Variants in TMEM184B observed in about 807,000 individuals in gnomAD.
TMEM184B encodes the protein transmembrane protein 184B.
A neutral mutation model predicts 41.8 loss-of-function variants in TMEM184B; 17 were observed. The ratio of observed to expected loss-of-function variants is 0.41; its 90% CI spans 0.28 to 0.61. The LOEUF is 0.61. Among genes scored for constraint, TMEM184B ranks in the 20% least tolerant of loss-of-function variants. The pLI is 0.34. For synonymous variants in TMEM184B, 240 were observed against 229.5 expected, an observed-to-expected ratio of 1.05 and a Z score of -0.41; for missense variants, 393 against 557.8, an observed-to-expected ratio of 0.70 and a Z score of 2.98.
chr22:38,272,551 CAA>C, intron 1 of TMEM184B: 1 of 985,842 alleles, frequency 1.0e-6, no homozygotes, highest in South Asian at 4.7e-5. Flanking sequence ...ATCCCTCTTG[CAA>C]AGCGCCTTGG....
intron 8 of TMEM184B, 33 bp from the exon 9 acceptor site, chr22:38,221,743 G>A: frequency 6.2e-7 from 1 of 1,609,084 alleles, no homozygotes; most frequent in Non-Finnish European, 8.5e-7. Flanking sequence ...GGCAGGTGAG[G>A]AGGCTGGGAC....
chr22:38,244,356 G>A (rs2091978347), intron 3 of TMEM184B, among the ~76,000 whole-genome samples: 1 of 152,142 alleles, frequency 6.6e-6, no homozygotes, highest in Non-Finnish European at 1.5e-5. Context: ...CCTGAGATTA[G>A]GAAAACCACA....
In TMEM184B at chr22:38,224,933, G is replaced by T; in HGVS notation, c.834C>A (p.Ile278=). ...ILEKCGAIPK[I]HSARVSVGEG... is the part of the protein sequence containing the mutation. ...CGCCCACCGACACGCGGGCCGAGTG[G>T]ATTTTGGGGATGGCCCCACACTTCT... The change falls in exon 8 of 9, where the codon ATC becomes ATA. Residue 278 remains isoleucine (I), a synonymous_variant. Coordinates refer to ENST00000361906, the MANE Select transcript of TMEM184B (RefSeq NM_012264.5). 1 of 1,604,136 alleles carries T rather than the reference G, an allele frequency of 6.2e-7. No homozygotes were observed. The highest frequency in any genetic ancestry group is 1.1e-5 in the South Asian group (1 of 89,850).
At chr22:38,242,238 C>T (rs1421962703) in intron 3 of TMEM184B, among the ~76,000 whole-genome samples, 4 of 151,028 alleles carry the variant, frequency 2.6e-5, no homozygotes, top group East Asian at 1.9e-4. Flanking sequence ...GAGGCCAAGG[C>T]GGGCGGATTG....
chr22:38,259,433 G>A (rs570133959), intron 1 of TMEM184B, among the ~76,000 whole-genome samples: 1 of 152,318 alleles, frequency 6.6e-6, no homozygotes, highest in East Asian at 1.9e-4. Flanking sequence ...ACCTGGGTGG[G>A]CCCATGTCAT....
At chr22:38,231,446 G>A (rs2091618111) in intron 3 of TMEM184B, 112 bp from the exon 4 acceptor site, 1 of 889,738 alleles carries the variant, frequency 1.1e-6, no homozygotes, top group Non-Finnish European at 1.9e-6. Context: ...TGTGGCAACA[G>A]GGAGGAGGCT....
rs1355091611 is a variant in TMEM184B, at chr22:38,239,007, T to C, written c.358+6928A>G. Among the ~76,000 whole-genome samples, 1 of 152,176 alleles carries C rather than the reference T, an allele frequency of 6.6e-6. No homozygotes were observed. Among genetic ancestry groups the C allele is most frequent in the Non-Finnish European group, 1.5e-5 (1 of 68,034 alleles). ...GCAAACATTCCTAACAAACAGCAACTGCATAAAGCGACATACGGACACCGC... is the reference window on the plus strand; with the variant it reads ...GCAAACATTCCTAACAAACAGCAACCGCATAAAGCGACATACGGACACCGC... On this transcript the variant is annotated intron_variant, in intron 3 of 8. Coordinates refer to ENST00000361906, the MANE Select transcript of TMEM184B (RefSeq NM_012264.5). This position sits in a 1 kb window ranked among gnomAD's most constrained non-coding sequence, Gnocchi z 4.6.
chr22:38,237,573 C>T (rs1042062620), intron 3 of TMEM184B, among the ~76,000 whole-genome samples: 12 of 152,220 alleles, frequency 7.9e-5, no homozygotes, highest in Non-Finnish European at 1.5e-5. Flanking sequence ...TTTCAGATAA[C>T]GGGTGGATGA....
rs753235259 is a variant in TMEM184B, at chr22:38,247,775, G to A, written c.187C>T (p.His63Tyr). 1 of 1,611,620 alleles carries A rather than the reference G, an allele frequency of 6.2e-7. No homozygotes were observed. The highest frequency in any genetic ancestry group is 1.1e-5 in the South Asian group (1 of 90,910). The change falls in exon 2 of 9, where the codon CAC (histidine) becomes TAC (tyrosine). Residue 63 changes from histidine (H) to tyrosine (Y), a missense_variant. By Grantham distance (83) the His-to-Tyr change is moderately conservative. This residue lies in a region of TMEM184B where 122 missense variants were observed against 123.7 expected (regional missense o/e 0.99). Coordinates refer to ENST00000361906, the MANE Select transcript of TMEM184B (RefSeq NM_012264.5). ...CCCTTGCCAGGCTTGGGTACCTGGT[G>A]GCATGTGATGAGCAGGGCCGTCCAC... ...FVWTALLITC[H>Y]QIYMHLRCYS...
intron 1 of TMEM184B, among the ~76,000 whole-genome samples, chr22:38,252,385 G>C (rs761523856): frequency 7.9e-5 from 12 of 152,174 alleles, no homozygotes; most frequent in Non-Finnish European, 1.8e-4. Context: ...AATTGACCAA[G>C]TGTTAAACTT....
In TMEM184B at chr22:38,225,030, C is replaced by A; in HGVS notation, c.788-51G>T. 6.8e-7 allele frequency: 1 copy of A among 1,481,244 alleles called. No homozygotes were observed. The highest frequency in any genetic ancestry group is 9.0e-7 in the Non-Finnish European group (1 of 1,113,672). 91.8% of individuals were successfully genotyped at this position (1,481,244 alleles called of 1,614,324 possible). On this transcript the variant is annotated intron_variant, in intron 7 of 8. Coordinates refer to ENST00000361906, the MANE Select transcript of TMEM184B (RefSeq NM_012264.5). The surrounding 1 kb of genome is among the most constrained non-coding windows in gnomAD (Gnocchi z 4.4). ...GACCCAGAATGATTCCTTTCCTGCTCCCCCTTCTTCCACAATGCCCCATTC... is the reference window on the plus strand; with the variant it reads ...GACCCAGAATGATTCCTTTCCTGCTACCCCTTCTTCCACAATGCCCCATTC...
chr22:38,246,671 TA>T, intron 2 of TMEM184B: 1 of 591,088 alleles, frequency 1.7e-6, no homozygotes, highest in Non-Finnish European at 2.4e-6. Flanking sequence ...TCCCATCTGG[TA>T]AACAGAGGCA....
At chr22:38,272,076 T>TA (rs776956699) in intron 1 of TMEM184B, among the ~76,000 whole-genome samples, 1 of 152,106 alleles carries the variant, frequency 6.6e-6, no homozygotes, top group African/African-American at 2.4e-5. Flanking sequence ...GGCATGCAAA[T>TA]ACCTGCTTTG....
chr22:38,241,340 A>G (rs994489591), intron 3 of TMEM184B, among the ~76,000 whole-genome samples: 4 of 152,222 alleles, frequency 2.6e-5, no homozygotes, highest in African/African-American at 7.2e-5. Context: ...TAGAAAACTC[A>G]GCAAACTAAA....
chr22:38,225,934 G>A lies in TMEM184B; in HGVS notation c.618-341C>T, dbSNP rs764952302. On this transcript the variant is annotated intron_variant, in intron 6 of 8. Transcript: ENST00000361906. The surrounding 1 kb of genome is among the most constrained non-coding windows in gnomAD (Gnocchi z 4.4). The stretch of plus-strand genomic sequence containing the variant: ...GATAACAGGCGTCAAAATAGGTGAC[G>A]CTGCTCAGCTCTGCTGCCTTTTCAC... Among the ~76,000 whole-genome samples the A allele has an allele frequency of 2.0e-4, 31 of 152,326 alleles. No homozygotes were observed. The highest frequency in any genetic ancestry group is 1.8e-3 in the Admixed American group (27 of 15,292).
chr22:38,230,546 TG>T, intron 5 of TMEM184B, 122 bp downstream of exon 5: 1 of 926,736 alleles, frequency 1.1e-6, no homozygotes, highest in Non-Finnish European at 1.7e-6. Flanking sequence ...GGGTGGGTGC[TG>T]GGGGCCTGGG....
At chr22:38,262,242 A>G (rs1045318343) in intron 1 of TMEM184B, among the ~76,000 whole-genome samples, 3 of 152,232 alleles carry the variant, frequency 2.0e-5, no homozygotes, top group African/African-American at 7.2e-5. Flanking sequence ...AGTGGTGACT[A>G]CCGGCGAAGA....
intron 5 of TMEM184B, among the ~76,000 whole-genome samples, chr22:38,228,275 C>T (rs558755567): frequency 5.9e-5 from 9 of 152,322 alleles, no homozygotes; most frequent in Admixed American, 3.9e-4. Context: ...TGCATGAGTT[C>T]CAGTTATGAG....
In TMEM184B at chr22:38,220,003, G is replaced by A; in HGVS notation, c.*1466C>T. On this transcript the variant is annotated 3_prime_UTR_variant, in exon 9 of 9. Coordinates refer to ENST00000361906, the MANE Select transcript of TMEM184B (RefSeq NM_012264.5). ...TCATTCCAGGAAGGACCAAAAGAAAGAATCCCCAGTGAACACCGGCAGGGT... is the reference window on the plus strand; with the variant it reads ...TCATTCCAGGAAGGACCAAAAGAAAAAATCCCCAGTGAACACCGGCAGGGT... 1.0e-6 allele frequency: 1 copy of A among 985,478 alleles called. No homozygotes were observed. The highest frequency in any genetic ancestry group is 1.2e-6 in the Non-Finnish European group (1 of 829,976). The allele number at this position is 985,478 out of a possible 1,614,324, so 61.0% of individuals were successfully genotyped here. A position where few individuals can be genotyped will look rare whatever the true frequency, so the allele number is the denominator to read the frequency against.
Sources: gnomAD v4.1 joint callset for allele counts (sites outside exome capture counted in the v4.1 genomes callset) on GRCh38, gnomAD v4.1.1 for gene constraint, gnomAD v4.1.1 regional missense constraint, Gnocchi (gnomAD v3.1) non-coding constraint, MANE v1.5 for transcripts, NCBI Gene and HGNC (gene_info 2026-07-23, HGNC 2026-07-21) for gene names.